Variants in GLB1 observed in about 807,000 individuals in gnomAD.
The protein encoded by GLB1 is beta-galactosidase.
In GLB1, 56 loss-of-function variants were observed where a neutral mutation model predicts 74.0. The ratio of observed to expected loss-of-function variants is 0.76; its 90% CI spans 0.61 to 0.94. The LOEUF is 0.94. Among genes scored for constraint, GLB1 ranks in the 40% least tolerant of loss-of-function variants. The pLI, the probability that GLB1 is intolerant of heterozygous loss-of-function variation, is 0.00. For missense variants in GLB1, 787 were observed against 845.5 expected (o/e 0.93, Z 0.86); for synonymous variants, 323 against 323.6 (o/e 1.00, Z 0.02).
At chr3:33,059,838 A>G (rs1699372794) in intron 5 of GLB1, among the ~76,000 whole-genome samples, 1 of 152,224 alleles carries the variant, frequency 6.6e-6, no homozygotes, top group Non-Finnish European at 1.5e-5. Flanking sequence ...TAACATTTTA[A>G]CATGCACATA....
At chr3:33,045,582 A>C in intron 10 of GLB1, 1 of 990,862 alleles carries the variant, frequency 1.0e-6, no homozygotes, top group African/African-American at 1.7e-5. Flanking sequence ...TGGTTACTGG[A>C]AACTTACTTT....
chr3:32,993,519 CTAAT>C (rs1696259882), downstream of GLB1, among the ~76,000 whole-genome samples: 1 of 123,654 alleles, frequency 8.1e-6, no homozygotes, highest in Non-Finnish European at 1.7e-5. Flanking sequence ...CCACATCCAG[CTAAT>C]TTTTTTTTTT....
chr3:33,024,336 G>A lies in GLB1; in HGVS notation c.1069-11C>T. 6.2e-7 allele frequency: 1 copy of A among 1,608,650 alleles called. No homozygotes were observed. The highest frequency in any genetic ancestry group is 1.1e-5 in the South Asian group (1 of 89,936). On this transcript the variant is annotated splice_polypyrimidine_tract_variant and intron_variant, in intron 10 of 15. Transcript: ENST00000307363. ...TGGTACTTTTTCAAACTATAAACCA[G>A]AGTAGAAAAAGAGAGAAAAGAAAAA...
chr3:33,069,530 T>C (rs945930066), intron 2 of GLB1, among the ~76,000 whole-genome samples: 1 of 152,236 alleles, frequency 6.6e-6, no homozygotes, highest in Non-Finnish European at 1.5e-5. Flanking sequence ...AGATATTTTG[T>C]TTGACTTACT....
intron 1 of GLB1, among the ~76,000 whole-genome samples, chr3:33,074,718 T>A (rs1246831820): frequency 6.6e-6 from 1 of 152,210 alleles, no homozygotes; most frequent in Non-Finnish European, 1.5e-5. Context: ...AACTAACTAG[T>A]GCTTTCCATT....
chr3:33,059,770 G>A (rs1264925845), intron 5 of GLB1, among the ~76,000 whole-genome samples: 5 of 152,136 alleles, frequency 3.3e-5, no homozygotes, highest in African/African-American at 4.8e-5. Context: ...TCATCATACT[G>A]CGCATTTACG....
chr3:33,055,958 T>G (rs1045982542), intron 6 of GLB1, among the ~76,000 whole-genome samples: 7 of 151,638 alleles, frequency 4.6e-5, no homozygotes, highest in Non-Finnish European at 8.8e-5. Context: ...CCGGGCGCGG[T>G]GGCTCACGCC....
chr3:32,981,560 G>A, the GLB1 span, among the ~76,000 whole-genome samples: 2 of 151,986 alleles, frequency 1.3e-5, no homozygotes, highest in African/African-American at 4.8e-5. Flanking sequence ...GATCACTTGA[G>A]ACCAGGAATT....
Position 33,097,036 on chromosome 3 carries a change from A to G in GLB1, c.50T>C (p.Leu17Pro). The G allele has an allele frequency of 6.2e-7, 1 of 1,612,418 alleles. No individual in the cohort carries two copies. ...GCGCAAGCCGCGCGTAGGGCCCAGA[A>G]GCAGCAGAACCAGCAACAGAGGGAG... is the stretch of plus-strand genomic sequence containing the variant. ...RILPLLLVLL[L>P]LGPTRGLRNA... The change falls in exon 1 of 16, where the codon CTT becomes CCT. Residue 17 changes from leucine to proline, a missense_variant. Physicochemically the swap from Leu to Pro is moderately conservative, Grantham distance 98. Coordinates refer to ENST00000307363, the MANE Select transcript of GLB1 (RefSeq NM_000404.4).
At chr3:32,992,496 A>G (rs989348776), downstream of GLB1, among the ~76,000 whole-genome samples, 2 of 152,252 alleles carry the variant, frequency 1.3e-5, no homozygotes, top group African/African-American at 4.8e-5. Context: ...TACATGGCAA[A>G]TGCTATACAA....
chr3:33,039,780 C>T (rs1698428852), intron 10 of GLB1, among the ~76,000 whole-genome samples: 1 of 152,006 alleles, frequency 6.6e-6, no homozygotes, highest in Non-Finnish European at 1.5e-5. Context: ...GTTCAAACAC[C>T]CTCAAACAAG....
chr3:33,053,638 A>G (rs1360478037), intron 6 of GLB1, 89 bp from the exon 7 acceptor site: 22 of 1,552,934 alleles, frequency 1.4e-5, no homozygotes, highest in Non-Finnish European at 1.9e-5. Flanking sequence ...TCGGGCCTGA[A>G]GCCCTGCTAC....
intron 10 of GLB1, among the ~76,000 whole-genome samples, chr3:33,038,621 C>A (rs886485803): frequency 2.6e-5 from 4 of 152,218 alleles, no homozygotes; most frequent in African/African-American, 9.6e-5. Flanking sequence ...CAAGGGCCAA[C>A]TGAGAGGCTA....
the GLB1 span, among the ~76,000 whole-genome samples, chr3:32,986,174 G>A: frequency 6.6e-6 from 1 of 152,256 alleles, no homozygotes; most frequent in African/African-American, 2.4e-5. Context: ...TCTGTCGGCT[G>A]CTCCTGCTCA....
intron 1 of GLB1, chr3:33,091,909 G>A: frequency 5.1e-6 from 5 of 985,398 alleles, no homozygotes; most frequent in South Asian, 9.4e-5. Context: ...TGGCAAAAGG[G>A]CAAAAGCACC....
chr3:32,975,084 CTTTATT>C, the GLB1 span, among the ~76,000 whole-genome samples: 1 of 152,018 alleles, frequency 6.6e-6, no homozygotes, highest in African/African-American at 2.4e-5. Flanking sequence ...GGTGTCAACT[CTTTATT>C]TTTATTTTTG....
chr3:33,051,615 A>AAAAAAAAAAG (rs764769471), intron 9 of GLB1, 143 bp downstream of exon 9: 795 of 1,176,778 alleles, frequency 6.8e-4, no homozygotes, highest in East Asian at 3.3e-3. Flanking sequence ...AAAAAAAAAA[A>AAAAAAAAAAG]AAAAGAAAAA....
At chr3:33,089,385 T>C (rs1376435053) in intron 1 of GLB1, among the ~76,000 whole-genome samples, 1 of 152,206 alleles carries the variant, frequency 6.6e-6, no homozygotes, top group Non-Finnish European at 1.5e-5. Flanking sequence ...AAGGGGTTAA[T>C]GTCCAGAATA....
the GLB1 span, among the ~76,000 whole-genome samples, chr3:32,964,393 T>C: frequency 4.6e-5 from 7 of 152,128 alleles, no homozygotes; most frequent in African/African-American, 1.4e-4. Context: ...GGTAAATATA[T>C]GAGGGAATGG....
Sources: gnomAD v4.1 joint callset for allele counts (sites outside exome capture counted in the v4.1 genomes callset) on GRCh38, gnomAD v4.1.1 for gene constraint, MANE v1.5 for transcripts, NCBI Gene and HGNC (gene_info 2026-07-23, HGNC 2026-07-21) for gene names.